MYCBP2: variants seen among roughly 807,000 people sequenced by gnomAD.
MYCBP2 encodes E3 ubiquitin-protein ligase MYCBP2.
MYCBP2 carries 120 observed loss-of-function variants against 525.3 expected under a neutral mutation model. That is an observed-to-expected ratio of 0.23 (90% CI 0.20 to 0.27). MYCBP2 has a LOEUF of 0.27. Ranked by LOEUF, MYCBP2 falls within the 10% of genes least tolerant of loss-of-function variation. The pLI, the probability that MYCBP2 is intolerant of heterozygous loss-of-function variation, is 1.00. For missense variants in MYCBP2, 4,149 were observed against 5,657.1 expected (o/e 0.73, Z 8.55); for synonymous variants, 1,894 against 1,955.8 (o/e 0.97, Z 0.83).
intron 40 of MYCBP2, among the ~76,000 whole-genome samples, chr13:77,168,026 A>T (rs574308343): frequency 6.6e-6 from 1 of 152,372 alleles, no homozygotes; most frequent in Admixed American, 6.5e-5. Flanking sequence ...AACATTATGT[A>T]TAGACTACTT....
intron 20 of MYCBP2, among the ~76,000 whole-genome samples, chr13:77,219,663 T>C (rs775739158): frequency 6.6e-6 from 1 of 151,884 alleles, no homozygotes; most frequent in Non-Finnish European, 1.5e-5. Flanking sequence ...TGGATGGAAG[T>C]AGGTTTGCAG....
Position 77,125,421 on chromosome 13 carries a change from C to A in MYCBP2, c.7932G>T (p.Met2644Ile). Residue 2644 changes from methionine to isoleucine, a missense_variant, in exon 54 of 83, where the codon ATG becomes ATT. This residue lies in a region of MYCBP2 where 653 missense variants were observed against 744.7 expected (regional missense o/e 0.88). Transcript: ENST00000544440. ...GTWVQLDQNS[M>I]VEFCESDEGE... ...CTTCATCACTCTCACAGAACTCTAC[C>A]ATGCTGTTCTGATCCAGTTGCACCC... 1 of 1,613,950 alleles carries A rather than the reference C, an allele frequency of 6.2e-7. No individual in the cohort carries two copies. The highest frequency in any genetic ancestry group is 8.5e-7 in the Non-Finnish European group (1 of 1,179,848).
intron 3 of MYCBP2, among the ~76,000 whole-genome samples, chr13:77,286,466 A>G (rs889637673): frequency 1.3e-5 from 2 of 151,870 alleles, no homozygotes; most frequent in Middle Eastern, 3.2e-3. Flanking sequence ...AAAAATATAT[A>G]TAACAGGCTG....
chr13:77,213,990 C>T (rs536674145), intron 21 of MYCBP2, among the ~76,000 whole-genome samples: 151 of 152,260 alleles, frequency 9.9e-4, no homozygotes, highest in African/African-American at 3.0e-3. Flanking sequence ...AGGACAGAGG[C>T]GTGTGAAGAA....
intron 34 of MYCBP2, among the ~76,000 whole-genome samples, 187 bp downstream of exon 34, chr13:77,179,940 G>A (rs1284291473): frequency 6.6e-6 from 1 of 152,170 alleles, no homozygotes; most frequent in Non-Finnish European, 1.5e-5. Flanking sequence ...GGGTAAACTG[G>A]TGAGAGAGAA....
chr13:77,320,903 T>C (rs996271788), intron 1 of MYCBP2, among the ~76,000 whole-genome samples: 4 of 152,192 alleles, frequency 2.6e-5, no homozygotes, highest in East Asian at 1.9e-4. Context: ...TAGATTTATA[T>C]GACATTCTAG....
At chr13:77,324,541 TTAAA>T (rs1257965428) in intron 1 of MYCBP2, among the ~76,000 whole-genome samples, 1 of 152,204 alleles carries the variant, frequency 6.6e-6, no homozygotes, top group African/African-American at 2.4e-5. Context: ...TAATGTGAAC[TTAAA>T]TAAACAATAA....
intron 73 of MYCBP2, 80 bp from the exon 74 acceptor site, chr13:77,062,777 C>T: frequency 2.8e-6 from 3 of 1,083,360 alleles, no homozygotes; most frequent in Non-Finnish European, 4.2e-6. Context: ...ATCACAACAG[C>T]TCAATAAATG....
chr13:77,270,358 G>GA lies in MYCBP2; in HGVS notation c.1125dup (p.Leu376SerfsTer11), dbSNP rs2074701919. 1.2e-6 allele frequency: 2 copies of GA among 1,613,436 alleles called. No individual in the cohort carries two copies. The highest frequency in any genetic ancestry group is 1.7e-6 in the Non-Finnish European group (2 of 1,179,694). On this transcript the variant is annotated frameshift_variant, in exon 6 of 83. Transcript: ENST00000544440. LOFTEE classifies it high-confidence loss of function. ...AATCCATCCTTGCATAATAGATAAA[G>GA]AAAAAATCCATCATTCTGAAGTAGA...
chr13:77,278,587 T>C (rs2075868953), intron 4 of MYCBP2, among the ~76,000 whole-genome samples, 171 bp downstream of exon 4: 1 of 152,230 alleles, frequency 6.6e-6, no homozygotes, highest in Non-Finnish European at 1.5e-5. Flanking sequence ...AAAGTGATGT[T>C]ATGATTCATG....
At chr13:77,262,785 T>C (rs532764230) in intron 10 of MYCBP2, among the ~76,000 whole-genome samples, 30 of 152,164 alleles carry the variant, frequency 2.0e-4, no homozygotes, top group Admixed American at 5.9e-4. Flanking sequence ...GTACATTTTA[T>C]GACTTTGTCC....
intron 1 of MYCBP2, among the ~76,000 whole-genome samples, chr13:77,310,450 T>TTA (rs1262402979): frequency 6.6e-6 from 1 of 152,150 alleles, no homozygotes; most frequent in Non-Finnish European, 1.5e-5. Flanking sequence ...GCTTATCCAT[T>TTA]TATATATATT....
intron 2 of MYCBP2, 45 bp downstream of exon 2, chr13:77,296,554 C>G: frequency 6.5e-7 from 1 of 1,528,536 alleles, no homozygotes; most frequent in South Asian, 1.3e-5. Flanking sequence ...ATTCAAATCA[C>G]CATATGAAAA....
chr13:77,157,890 A>C (rs756776733), intron 45 of MYCBP2, 47 bp downstream of exon 45: 1 of 1,476,468 alleles, frequency 6.8e-7, no homozygotes, highest in Non-Finnish European at 9.2e-7. Context: ...AGAAATGAAG[A>C]AAGATGAAAG....
chr13:77,136,370 CA>C (rs1169944386), intron 52 of MYCBP2, among the ~76,000 whole-genome samples: 1 of 152,192 alleles, frequency 6.6e-6, no homozygotes, highest in Non-Finnish European at 1.5e-5. Flanking sequence ...AACTATAGTG[CA>C]TTCACTATAT....
chr13:77,165,337 T>G lies in MYCBP2; in HGVS notation c.6395A>C (p.Lys2132Thr), dbSNP rs766597729. The change falls in exon 42 of 83, where the codon AAA becomes ACA. Residue 2132 changes from lysine to threonine, a missense_variant. By Grantham distance (78) the Lys-to-Thr change is moderately conservative. This residue lies in a region of MYCBP2 where 692 missense variants were observed against 852.7 expected (regional missense o/e 0.81). Coordinates refer to ENST00000544440, the MANE Select transcript of MYCBP2 (RefSeq NM_015057.5). The part of the protein sequence containing the change: ...ETASDYVKDD[K>T]ASFYGFKCFA... The stretch of plus-strand genomic sequence containing the variant: ...ACACTTAAAACCATAGAAAGAAGCT[T>G]TGTCATCTTTCACATAATCTGATGC... The G allele has an allele frequency of 6.2e-7, 1 of 1,612,348 alleles. No individual in the cohort carries two copies. The highest frequency in any genetic ancestry group is 1.1e-5 in the South Asian group (1 of 90,524).
At chr13:77,079,879 AAG>A (rs1234953914) in intron 65 of MYCBP2, among the ~76,000 whole-genome samples, 1 of 152,220 alleles carries the variant, frequency 6.6e-6, no homozygotes, top group Non-Finnish European at 1.5e-5. Flanking sequence ...AACATAGAGG[AAG>A]CCTGTTAAAA....
rs186596652 is a variant in MYCBP2, at chr13:77,099,436, C to T, written c.8141-423G>A. ...GAGCTAAATTTCCAGCAGAGTGATA[C>T]CTCGCATCCTTAGGGCAACGGTATG... On this transcript the variant is annotated intron_variant, in intron 55 of 82. Coordinates refer to ENST00000544440, the MANE Select transcript of MYCBP2 (RefSeq NM_015057.5). 9.1e-5 allele frequency: 18 copies of T among 196,850 alleles called. No individual in the cohort carries two copies. In the East Asian group the frequency reaches 2.4e-3, roughly 27 times the overall value. 12.2% of individuals were successfully genotyped at this position (196,850 alleles called of 1,614,324 possible).
intron 52 of MYCBP2, among the ~76,000 whole-genome samples, chr13:77,135,290 G>A (rs1433703758): frequency 6.6e-6 from 1 of 152,168 alleles, no homozygotes; most frequent in Non-Finnish European, 1.5e-5. Context: ...CATGATTAAA[G>A]TTCATTTACT....
Sources: allele counts gnomAD v4.1 joint callset (sites outside exome capture counted in the v4.1 genomes callset), GRCh38; gene constraint gnomAD v4.1.1; regional missense constraint gnomAD v4.1.1; transcripts MANE v1.5; gene names NCBI Gene and HGNC (gene_info 2026-07-23, HGNC 2026-07-21).